The following FRYL variants were observed in gnomAD, a reference collection of about 807,000 sequenced individuals.
FRYL encodes FRY like transcription coactivator.
A neutral mutation model predicts 351.2 loss-of-function variants in FRYL; 150 were observed. That is an observed-to-expected ratio of 0.43 (90% confidence interval 0.37 to 0.49). The LOEUF (loss-of-function observed/expected upper bound fraction) is 0.49. Ranked by LOEUF, FRYL falls within the 20% of genes least tolerant of loss-of-function variation. FRYL has a pLI of 0.00. For synonymous variants in FRYL, 1,153 were observed against 1,257.1 expected (o/e 0.92, Z 1.75); for missense variants, 3,036 against 3,619.3 (o/e 0.84, Z 4.13).
chr4:48,510,575 T>C (rs1251928620), intron 58 of FRYL, among the ~76,000 whole-genome samples: 1 of 152,148 alleles, frequency 6.6e-6, no homozygotes, highest in Non-Finnish European at 1.5e-5. Context: ...AATATAAAAA[T>C]TACCCATCTC....
chr4:48,661,418 A>G (rs1295404004), intron 3 of FRYL, among the ~76,000 whole-genome samples: 1 of 152,234 alleles, frequency 6.6e-6, no homozygotes, highest in Non-Finnish European at 1.5e-5. Flanking sequence ...CACTTTCAGG[A>G]CTACAGTACA....
intron 1 of FRYL, among the ~76,000 whole-genome samples, chr4:48,753,517 T>C (rs1162245249): frequency 6.6e-6 from 1 of 152,196 alleles, no homozygotes; most frequent in East Asian, 1.9e-4. Context: ...TTTTTATTAC[T>C]GAGTTGTAAG....
intron 7 of FRYL, among the ~76,000 whole-genome samples, chr4:48,617,445 C>G (rs1381632775): frequency 6.6e-6 from 1 of 151,494 alleles, no homozygotes; most frequent in Admixed American, 6.6e-5. Flanking sequence ...AATCCCTAGG[C>G]TCAGGTGATC....
chr4:48,759,209 A>C (rs1774153400), intron 1 of FRYL, among the ~76,000 whole-genome samples: 7 of 152,178 alleles, frequency 4.6e-5, no homozygotes, highest in Admixed American at 4.6e-4. Flanking sequence ...GTGCACATGT[A>C]CTATAGAACT....
chr4:48,652,964 A>C (rs1168515848), intron 3 of FRYL, among the ~76,000 whole-genome samples: 5 of 152,190 alleles, frequency 3.3e-5, no homozygotes, highest in Non-Finnish European at 7.3e-5. Context: ...ACCTGTGTTT[A>C]CTTAATTCAT....
At chr4:48,535,602 CACACACACACACAT>C in intron 48 of FRYL, 41 bp downstream of exon 48, 3 of 1,052,164 alleles carry the variant, frequency 2.9e-6, no homozygotes, top group Non-Finnish European at 3.9e-6. Context: ...CACACACACA[CACACACACACACAT>C]ATATATATAG....
At chr4:48,668,138 GAACCACTTTGGCTCTACAA>G (rs1762057235) in intron 3 of FRYL, among the ~76,000 whole-genome samples, 1 of 152,042 alleles carries the variant, frequency 6.6e-6, no homozygotes, top group South Asian at 2.1e-4. Context: ...ATATCATCTA[GAACCACTTTGGCTCTACAA>G]AGCCAGAGCT....
intron 22 of FRYL, chr4:48,580,509 A>AT (rs1740664064): frequency 8.8e-6 from 2 of 226,586 alleles, no homozygotes; most frequent in African/African-American, 4.5e-5. Context: ...GAGTATCACC[A>AT]TTTTTTTCCC....
chr4:48,550,039 G>C (rs1732334392), intron 38 of FRYL, among the ~76,000 whole-genome samples: 2 of 152,134 alleles, frequency 1.3e-5, no homozygotes, highest in Non-Finnish European at 2.9e-5. Flanking sequence ...TGGGGCTGCG[G>C]GGTGCAATAA....
At chr4:48,553,194 C>T (rs753610544) in intron 36 of FRYL, 21 bp downstream of exon 36, 25 of 1,596,536 alleles carry the variant, frequency 1.6e-5, no homozygotes, top group Middle Eastern at 1.7e-4. Context: ...ACACAGCAAT[C>T]GGTTTTAACA....
chr4:48,698,823 A>G (rs1265242516), intron 2 of FRYL, among the ~76,000 whole-genome samples: 1 of 151,938 alleles, frequency 6.6e-6, no homozygotes, highest in Non-Finnish European at 1.5e-5. Context: ...CCCCACAAAT[A>G]GGCTTTATTC....
At chr4:48,686,773 T>C (rs979796912) in intron 2 of FRYL, among the ~76,000 whole-genome samples, 3 of 152,262 alleles carry the variant, frequency 2.0e-5, no homozygotes, top group Admixed American at 2.0e-4. Flanking sequence ...AATGTCATGC[T>C]TTTGTTGTAT....
At chr4:48,767,511 C>A (rs1242059577) in intron 1 of FRYL, among the ~76,000 whole-genome samples, 1 of 152,114 alleles carries the variant, frequency 6.6e-6, no homozygotes, top group Non-Finnish European at 1.5e-5. Context: ...CATTTACAAC[C>A]ACGTGGATGA....
At chr4:48,604,820 C>G (rs149702870) in intron 11 of FRYL, among the ~76,000 whole-genome samples, 5 of 152,068 alleles carry the variant, frequency 3.3e-5, no homozygotes, top group Non-Finnish European at 7.4e-5. Flanking sequence ...TCAGGCAACA[C>G]GATGATAATG....
intron 31 of FRYL, among the ~76,000 whole-genome samples, chr4:48,563,455 G>A (rs1735979635): frequency 1.3e-5 from 2 of 152,074 alleles, no homozygotes; most frequent in Admixed American, 6.6e-5. Flanking sequence ...GGCAGGTCAT[G>A]CCTGAAATCC....
intron 49 of FRYL, among the ~76,000 whole-genome samples, chr4:48,533,420 G>C (rs1728136539): frequency 6.6e-6 from 1 of 152,052 alleles, no homozygotes. Context: ...TGCAATCACT[G>C]ATTTTCAAGG....
intron 56 of FRYL, 102 bp downstream of exon 56, chr4:48,514,926 A>G: frequency 4.0e-6 from 4 of 1,007,606 alleles, no homozygotes; most frequent in South Asian, 3.5e-5. Flanking sequence ...TGAAACACAC[A>G]AAGAAATGAA....
chr4:48,689,134 T>A (rs892843837), intron 2 of FRYL, among the ~76,000 whole-genome samples: 2 of 152,244 alleles, frequency 1.3e-5, no homozygotes, highest in African/African-American at 4.8e-5. Context: ...GATAAAGCAA[T>A]GTTCTCTGCA....
intron 1 of FRYL, among the ~76,000 whole-genome samples, chr4:48,721,095 A>G (rs1171951525): frequency 1.3e-5 from 2 of 152,246 alleles, no homozygotes; most frequent in Non-Finnish European, 2.9e-5. Flanking sequence ...AATAATAGCA[A>G]GTAGGCCTCC....
Sources: allele counts gnomAD v4.1 joint callset (sites outside exome capture counted in the v4.1 genomes callset), GRCh38; gene constraint gnomAD v4.1.1; transcripts MANE v1.5; gene names NCBI Gene and HGNC (gene_info 2026-07-23, HGNC 2026-07-21).